PSMA5: variants seen among roughly 807,000 people sequenced by gnomAD.
The protein encoded by PSMA5 is proteasome subunit alpha type-5.
PSMA5 carries 3 observed loss-of-function variants against 34.5 expected under a neutral mutation model. That is an observed-to-expected ratio of 0.09 (90% confidence interval 0.04 to 0.22). The LOEUF (loss-of-function observed/expected upper bound fraction) is 0.22. PSMA5 is among the 10% of genes least tolerant of loss of function. PSMA5 has a pLI of 1.00. For missense variants in PSMA5, 120 were observed against 286.1 expected, an observed-to-expected ratio of 0.42 and a Z score of 4.19; for synonymous variants, 88 against 95.8, an observed-to-expected ratio of 0.92 and a Z score of 0.47.
At chr1:109,411,251 A>G in intron 6 of PSMA5, 138 bp from the exon 7 acceptor site, 1 of 609,934 alleles carries the variant, frequency 1.6e-6, no homozygotes, top group South Asian at 2.2e-5. Flanking sequence ...CACAGATCTA[A>G]AAGATGTTCT....
At position 109,402,020 on chromosome 1, in the gene PSMA5, T is replaced by C; in HGVS notation, c.719A>G (p.Asp240Gly). The change falls in exon 9 of 9, where the codon GAC (aspartate) becomes GGC (glycine). Residue 240 changes from aspartate (D) to glycine (G), a missense_variant. Asp to Gly is a moderately conservative substitution (Grantham distance 94, BLOSUM62 -1). Coordinates refer to ENST00000271308, the MANE Select transcript of PSMA5 (RefSeq NM_002790.4). Reference protein sequence around the residue: ...TKEELEEVIKDI With the variant: ...TKEELEEVIKGI ...TCTGAGGATCAGGATTCCTTAAATGTCCTTGATAACCTCTTCAAGTTCTTC... is the reference window on the plus strand; with the variant it reads ...TCTGAGGATCAGGATTCCTTAAATGCCCTTGATAACCTCTTCAAGTTCTTC... 1 of 1,608,152 alleles carries C rather than the reference T, an allele frequency of 6.2e-7. No individual in the cohort carries two copies. Among genetic ancestry groups the C allele is most frequent in the Non-Finnish European group, 8.5e-7 (1 of 1,175,448 alleles).
chr1:109,422,927 C>T (rs2100975581), intron 1 of PSMA5, among the ~76,000 whole-genome samples: 1 of 152,366 alleles, frequency 6.6e-6, no homozygotes, highest in South Asian at 2.1e-4. Flanking sequence ...TGTCAGACTG[C>T]TTTCCTCTCT....
At chr1:109,419,798 CAAAAAAAAAA>C (rs57566863) in intron 2 of PSMA5, among the ~76,000 whole-genome samples, 2 of 31,018 alleles carry the variant, frequency 6.4e-5, no homozygotes, top group African/African-American at 1.2e-4. Flanking sequence ...GACTCCGTCT[CAAAAAAAAAA>C]AAAAAAAAAA....
At chr1:109,418,361 C>G (rs183783279) in intron 2 of PSMA5, among the ~76,000 whole-genome samples, 29 of 152,252 alleles carry the variant, frequency 1.9e-4, no homozygotes, top group African/African-American at 6.7e-4. Flanking sequence ...CTGTTGCCCA[C>G]GATGGAGTGC....
At chr1:109,406,321 A>G (rs1653760524) in intron 8 of PSMA5, among the ~76,000 whole-genome samples, 1 of 152,228 alleles carries the variant, frequency 6.6e-6, no homozygotes, top group Non-Finnish European at 1.5e-5. Flanking sequence ...TTGGCAATAA[A>G]GGTGAAAAAA....
intron 8 of PSMA5, among the ~76,000 whole-genome samples, chr1:109,409,270 C>T (rs566048642): frequency 6.6e-6 from 1 of 152,276 alleles, no homozygotes; most frequent in South Asian, 2.1e-4. Context: ...AATTCTGATG[C>T]CTCAGCCTCC....
At chr1:109,403,579 G>C (rs1195997148) in intron 8 of PSMA5, among the ~76,000 whole-genome samples, 2 of 152,024 alleles carry the variant, frequency 1.3e-5, no homozygotes, top group Non-Finnish European at 2.9e-5. Flanking sequence ...GCAGTGAGTT[G>C]TGATCATCCC....
chr1:109,403,453 G>A (rs1015258781), intron 8 of PSMA5, among the ~76,000 whole-genome samples: 2 of 150,936 alleles, frequency 1.3e-5, no homozygotes, highest in East Asian at 1.9e-4. Flanking sequence ...GGGAGACCCC[G>A]TGTCTACCAA....
At chr1:109,418,525 C>T (rs1654308033) in intron 2 of PSMA5, among the ~76,000 whole-genome samples, 1 of 152,184 alleles carries the variant, frequency 6.6e-6, no homozygotes, top group Admixed American at 6.5e-5. Context: ...CTATGTTGCT[C>T]AGGCTGGTCT....
Position 109,426,416 on chromosome 1 carries a change from T to G in PSMA5, c.-86A>C. The G allele has an allele frequency of 7.1e-6, 11 of 1,543,390 alleles. No homozygotes were observed. The highest frequency in any genetic ancestry group is 9.9e-6 in the Non-Finnish European group (11 of 1,115,864). On this transcript the variant is annotated 5_prime_UTR_variant, in exon 1 of 9. Coordinates refer to ENST00000271308, the MANE Select transcript of PSMA5 (RefSeq NM_002790.4). ...GGCACCCAACTCACCGGCAGCCAAC[T>G]CACCCACACGGCCGCAGTACTAAGG...
At chr1:109,416,998 G>C (rs908043481) in intron 2 of PSMA5, among the ~76,000 whole-genome samples, 1 of 152,180 alleles carries the variant, frequency 6.6e-6, no homozygotes, top group Non-Finnish European at 1.5e-5. Context: ...CCAGCTACGC[G>C]GAAGGCTGAA....
rs751197346 is a variant in PSMA5, at chr1:109,421,935, TA to T, written c.30-10del. 1.6e-4 allele frequency: 234 copies of T among 1,464,976 alleles called. No homozygotes were observed. The highest frequency in any genetic ancestry group is 2.2e-4 in the South Asian group (15 of 68,104). The allele number at this position is 1,464,976 out of a possible 1,614,324, so 90.7% of individuals were successfully genotyped here. The stretch of plus-strand genomic sequence containing the variant: ...AAAAAGTATTCACGCCCCTATAATT[TA>T]AAAAAAAATTATTAATTATACTCAT... On this transcript the variant is annotated splice_polypyrimidine_tract_variant and intron_variant, in intron 1 of 8. Coordinates refer to ENST00000271308, the MANE Select transcript of PSMA5 (RefSeq NM_002790.4).
At chr1:109,404,181 G>A (rs564908302) in intron 8 of PSMA5, among the ~76,000 whole-genome samples, 14 of 151,998 alleles carry the variant, frequency 9.2e-5, no homozygotes, top group Admixed American at 3.9e-4. Flanking sequence ...ATAATTAGTC[G>A]GGCATGGTGG....
chr1:109,412,829 G>T, intron 4 of PSMA5: 1 of 406,922 alleles, frequency 2.5e-6, no homozygotes, highest in Non-Finnish European at 4.4e-6. Context: ...TATAGGCAAA[G>T]CCAAAAAAAA....
chr1:109,402,749 A>T (rs1206134040), intron 8 of PSMA5, among the ~76,000 whole-genome samples: 1 of 152,206 alleles, frequency 6.6e-6, no homozygotes, highest in Admixed American at 6.5e-5. Context: ...CTTGTTGTTC[A>T]GGCTGGAGTG....
At chr1:109,409,345 CG>C (rs2100959167) in intron 8 of PSMA5, among the ~76,000 whole-genome samples, 1 of 152,002 alleles carries the variant, frequency 6.6e-6, no homozygotes, top group South Asian at 2.1e-4. Flanking sequence ...TTGGTAGAGT[CG>C]GGGTTTTGCC....
intron 8 of PSMA5, 114 bp from the exon 9 acceptor site, chr1:109,402,204 T>C: frequency 1.5e-6 from 1 of 670,138 alleles, no homozygotes; most frequent in East Asian, 2.9e-5. Flanking sequence ...AACTAAGGGA[T>C]CTGCTGTCCC....
At position 109,401,817 on chromosome 1, in the gene PSMA5, AAG is replaced by A; in HGVS notation, c.*194_*195del. On this transcript the variant is annotated 3_prime_UTR_variant, in exon 9 of 9. Coordinates refer to ENST00000271308, the MANE Select transcript of PSMA5 (RefSeq NM_002790.4). ...ATCTCTTAAAAAAAAAAAAAAAAAAAAGACTATTAGAAGAGAACAGTCTATTA... is the reference window on the plus strand; with the variant it reads ...ATCTCTTAAAAAAAAAAAAAAAAAAAACTATTAGAAGAGAACAGTCTATTA... The A allele has an allele frequency of 1.6e-5, 6 of 376,880 alleles. No homozygotes were observed. Among genetic ancestry groups the A allele is most frequent in the South Asian group, 1.3e-4 (2 of 15,996 alleles). The allele number at this position is 376,880 out of a possible 1,614,324, so 23.3% of individuals were successfully genotyped here. A position where few individuals can be genotyped will look rare whatever the true frequency, so the allele number is the denominator to read the frequency against.
chr1:109,411,979 G>A (rs1654008002), intron 5 of PSMA5, 44 bp from the exon 6 acceptor site: 1 of 1,591,602 alleles, frequency 6.3e-7, no homozygotes, highest in Admixed American at 1.7e-5. Context: ...TGGCTATAAA[G>A]TAAGGAGGTG....
Sources: gnomAD v4.1 joint callset for allele counts (sites outside exome capture counted in the v4.1 genomes callset) on GRCh38, gnomAD v4.1.1 for gene constraint, MANE v1.5 for transcripts, NCBI Gene and HGNC (gene_info 2026-07-23, HGNC 2026-07-21) for gene names.